ADARB2: variants seen among roughly 807,000 people sequenced by gnomAD.
ADARB2 encodes the protein adenosine deaminase RNA specific B2 (inactive).
Under a neutral mutation model 62.2 loss-of-function variants are expected in ADARB2, and 25 were observed. The ratio of observed to expected loss-of-function variants is 0.40; its 90% confidence interval spans 0.29 to 0.56. The LOEUF (loss-of-function observed/expected upper bound fraction) is 0.56. Among genes scored for constraint, ADARB2 ranks in the 20% least tolerant of loss-of-function variants. The probability of loss-of-function intolerance (pLI) is 0.43; values close to 1 mark genes in which losing one functional copy is unlikely to be tolerated. For missense variants in ADARB2, 1,071 were observed against 1,077.4 expected, an observed-to-expected ratio of 0.99 and a Z score of 0.08; for synonymous variants, 572 against 500.8, an observed-to-expected ratio of 1.14 and a Z score of -1.90.
At chr10:1,402,912 A>C in intron 1 of ADARB2, among the ~76,000 whole-genome samples, 1 of 152,192 alleles carries the variant, frequency 6.6e-6, no homozygotes, top group East Asian at 1.9e-4. Context: ...GGACCTTCCA[A>C]GTGGAACTGG....
chr10:1,218,304 G>A (rs1318603243), intron 6 of ADARB2, among the ~76,000 whole-genome samples: 1 of 152,128 alleles, frequency 6.6e-6, no homozygotes, highest in Non-Finnish European at 1.5e-5. Flanking sequence ...GCCCACCTCC[G>A]CCTCCCAAAG....
At chr10:1,481,640 C>CTT (rs71379131) in intron 1 of ADARB2, among the ~76,000 whole-genome samples, 28,168 of 151,980 alleles carry the variant, frequency 0.19, 2,755 homozygotes, top group South Asian at 0.29. Flanking sequence ...GTGCGGATCA[C>CTT]GAGGTCAGGA....
intron 8 of ADARB2, chr10:1,187,811 C>T (rs1347606522): frequency 1.2e-5 from 5 of 415,186 alleles, no homozygotes; most frequent in Middle Eastern, 3.4e-4. Flanking sequence ...GGGTGGGCTG[C>T]GGGGTCGTCC....
At chr10:1,716,238 C>T (rs747145311) in intron 1 of ADARB2, among the ~76,000 whole-genome samples, 82 of 152,358 alleles carry the variant, frequency 5.4e-4, no homozygotes, top group African/African-American at 1.9e-3. Flanking sequence ...TGGGCAGCCT[C>T]TGTAACTGCC....
intron 3 of ADARB2, among the ~76,000 whole-genome samples, chr10:1,321,126 AC>A (rs1831790750): frequency 6.6e-6 from 1 of 152,176 alleles, no homozygotes; most frequent in Non-Finnish European, 1.5e-5. Context: ...ATAATTTGGA[AC>A]CCAAATCCAT....
intron 9 of ADARB2, 122 bp downstream of exon 9, chr10:1,184,739 G>GGC: frequency 8.9e-7 from 1 of 1,117,980 alleles, no homozygotes; most frequent in Admixed American, 2.9e-5. Flanking sequence ...ACATGTGATG[G>GGC]GCGCTGTGTC....
chr10:1,618,632 TC>T (rs1260036686), intron 1 of ADARB2, among the ~76,000 whole-genome samples: 1 of 152,064 alleles, frequency 6.6e-6, no homozygotes, highest in Non-Finnish European at 1.5e-5. Flanking sequence ...GCAACCTCCA[TC>T]CCTGGGGCTC....
rs2131887587 is a variant in ADARB2 at position 1,426,382 on chromosome 10, TC to T, written c.101-47223del. Among the ~76,000 whole-genome samples the T allele has an allele frequency of 6.6e-6, 1 of 152,236 alleles. No homozygotes were observed. The highest frequency in any genetic ancestry group is 1.9e-4 in the East Asian group (1 of 5,164). ...CTGGCCTTTTTAAATCCTTTCTTTT[TC>T]TCTTTAAATTTCATGTTCCCTTGTC... On this transcript the variant is annotated intron_variant, in intron 1 of 9. Transcript: ENST00000381312. This position sits in a 1 kb window ranked among gnomAD's most constrained non-coding sequence, Gnocchi z 4.1.
intron 1 of ADARB2, among the ~76,000 whole-genome samples, chr10:1,497,632 T>A (rs182990160): frequency 4.2e-4 from 64 of 152,332 alleles, no homozygotes; most frequent in Admixed American, 3.3e-3. Context: ...CAAGCATCAG[T>A]TATGCTTTTT....
At chr10:1,641,806 A>G (rs1371872589) in intron 1 of ADARB2, among the ~76,000 whole-genome samples, 1 of 152,184 alleles carries the variant, frequency 6.6e-6, no homozygotes, top group Admixed American at 6.5e-5. Context: ...TGAGGTCAGG[A>G]GTTTGAGACC....
intron 4 of ADARB2, among the ~76,000 whole-genome samples, chr10:1,256,071 G>A (rs1727297880): frequency 1.3e-5 from 2 of 152,226 alleles, no homozygotes; most frequent in South Asian, 4.1e-4. Flanking sequence ...TCCCAGCACA[G>A]TGCTCAACTT....
rs375589507 is a variant in ADARB2, at chr10:1,693,420, TTCTCC to T, written c.100+43626_100+43630del. Reference sequence around the variant, plus strand: ...AGCCACCACCTGGAGCGCTGTCATCTTCTCCTCTCTCGTTTTTGTCATCGTCCTCA... The same window carrying T: ...AGCCACCACCTGGAGCGCTGTCATCTTCTCTCGTTTTTGTCATCGTCCTCA... On this transcript the variant is annotated intron_variant, in intron 1 of 9. Transcript: ENST00000381312. 1.8e-4 allele frequency among the ~76,000 whole-genome samples: 27 copies of T among 152,340 alleles called. 1 individual carries two copies. The highest frequency in any genetic ancestry group is 6.0e-4 in the African/African-American group (25 of 41,580).
intron 1 of ADARB2, among the ~76,000 whole-genome samples, chr10:1,517,786 T>A (rs1028816002): frequency 4.6e-5 from 7 of 152,096 alleles, no homozygotes; most frequent in Non-Finnish European, 4.4e-5. Context: ...TTGTCTTCGG[T>A]CGTATGATCA....
chr10:1,619,966 G>A (rs1400252899), intron 1 of ADARB2, among the ~76,000 whole-genome samples: 2 of 151,732 alleles, frequency 1.3e-5, no homozygotes, highest in African/African-American at 4.8e-5. Flanking sequence ...ATCAATAAAG[G>A]AAAAACAAGA....
intron 3 of ADARB2, among the ~76,000 whole-genome samples, chr10:1,353,440 C>T (rs1021328369): frequency 4.6e-5 from 7 of 152,190 alleles, no homozygotes; most frequent in Non-Finnish European, 7.3e-5. Flanking sequence ...TCTCCCTACA[C>T]TTCTGAACTT....
At chr10:1,272,425 C>T (rs1427650738) in intron 3 of ADARB2, among the ~76,000 whole-genome samples, 1 of 152,244 alleles carries the variant, frequency 6.6e-6, no homozygotes, top group African/African-American at 2.4e-5. Context: ...TGTGTGAAAA[C>T]AGCCCTGCCT....
intron 1 of ADARB2, among the ~76,000 whole-genome samples, chr10:1,422,648 G>A (rs182231901): frequency 2.0e-5 from 3 of 152,312 alleles, no homozygotes; most frequent in African/African-American, 4.8e-5. Flanking sequence ...ACACATCTGT[G>A]CAAAATTGAC....
intron 1 of ADARB2, among the ~76,000 whole-genome samples, chr10:1,660,629 C>G (rs1181631717): frequency 3.3e-5 from 5 of 152,182 alleles, no homozygotes; most frequent in African/African-American, 4.8e-5. Context: ...TTGTGCCCCT[C>G]TGATGTTTCC....
In ADARB2 at chr10:1,244,897, G is replaced by A. The variant is rs142985130; in HGVS notation, c.1193-2598C>T. Among the ~76,000 whole-genome samples the A allele has an allele frequency of 2.8e-4, 43 of 152,318 alleles. No homozygotes were observed. The East Asian group carries it at 5.4e-3, about 19-fold the overall frequency. On this transcript the variant is annotated intron_variant, in intron 4 of 9. Transcript: ENST00000381312. ...GCATAATCTGCGTATTCTACGGGCC[G>A]TTGGAGCCCGTAGGAGATGTGTGTG...
Sources: gnomAD v4.1 joint callset for allele counts (sites outside exome capture counted in the v4.1 genomes callset) on GRCh38, gnomAD v4.1.1 for gene constraint, Gnocchi (gnomAD v3.1) non-coding constraint, MANE v1.5 for transcripts, NCBI Gene and HGNC (gene_info 2026-07-23, HGNC 2026-07-21) for gene names.